Variants in SDHC observed in about 807,000 individuals in gnomAD.
SDHC encodes the protein succinate dehydrogenase cytochrome b560 subunit, mitochondrial.
SDHC carries 11 observed loss-of-function variants against 22.6 expected under a neutral mutation model. That is an observed-to-expected ratio of 0.49 (90% confidence interval 0.31 to 0.81). The LOEUF (loss-of-function observed/expected upper bound fraction) is 0.81, where lower values mean the gene tolerates loss of function less well. SDHC is among the 30% of genes least tolerant of loss of function. The pLI is 0.05. For synonymous variants in SDHC, 80 were observed against 77.8 expected, an observed-to-expected ratio of 1.03 and a Z score of -0.15; for missense variants, 160 against 212.0, an observed-to-expected ratio of 0.75 and a Z score of 1.52.
intron 1 of SDHC, chr1:161,314,692 C>G: frequency 1.8e-6 from 1 of 553,896 alleles, no homozygotes; most frequent in Non-Finnish European, 3.2e-6. Context: ...TCCTCTAGTA[C>G]TTCTAACGCA....
At chr1:161,360,729 T>G (rs1323160545) in intron 5 of SDHC, among the ~76,000 whole-genome samples, 1 of 151,502 alleles carries the variant, frequency 6.6e-6, no homozygotes, top group East Asian at 1.9e-4. Context: ...TTTTTTAGTA[T>G]TAAAAAGAAA....
chr1:161,331,354 G>A (rs1000859746), intron 3 of SDHC, among the ~76,000 whole-genome samples: 5 of 151,330 alleles, frequency 3.3e-5, no homozygotes, highest in Non-Finnish European at 5.9e-5. Flanking sequence ...TGCAACCTCC[G>A]CCTCCCAGGC....
intron 3 of SDHC, among the ~76,000 whole-genome samples, chr1:161,330,569 T>A (rs1447832094): frequency 6.6e-6 from 1 of 152,254 alleles, no homozygotes; most frequent in Non-Finnish European, 1.5e-5. Context: ...AGGTGACACA[T>A]GCTTTTGCAG....
rs984617033 is a variant in SDHC, at chr1:161,363,191, T to G, written c.*758T>G. ...ACTGAATTAAATACTCATTTTATCT[T>G]TGACTCTCCTTGAAATCTAGAGAAA... On this transcript the variant is annotated 3_prime_UTR_variant, in exon 6 of 6. Transcript: ENST00000367975. 1 of 233,614 alleles carries G rather than the reference T, an allele frequency of 4.3e-6. No homozygotes were observed. Among genetic ancestry groups the G allele is most frequent in the African/African-American group, 2.2e-5 (1 of 45,354 alleles). 14.5% of individuals were successfully genotyped at this position (233,614 alleles called of 1,614,324 possible). A position where few individuals can be genotyped will look rare whatever the true frequency, so the allele number is the denominator to read the frequency against.
At chr1:161,359,595 G>A (rs1486433301) in intron 5 of SDHC, among the ~76,000 whole-genome samples, 1 of 152,172 alleles carries the variant, frequency 6.6e-6, no homozygotes, top group African/African-American at 2.4e-5. Flanking sequence ...GAGAGGGGAG[G>A]TTTTATAAAA....
chr1:161,330,144 T>C (rs1023803633), intron 3 of SDHC, among the ~76,000 whole-genome samples: 2 of 152,238 alleles, frequency 1.3e-5, no homozygotes, highest in African/African-American at 4.8e-5. Flanking sequence ...TCAAAGTTTA[T>C]GTCTGTCCCA....
At chr1:161,320,845 T>TTTTTTTG (rs1553261439) in intron 1 of SDHC, among the ~76,000 whole-genome samples, 1 of 150,912 alleles carries the variant, frequency 6.6e-6, no homozygotes, top group Non-Finnish European at 1.5e-5. Flanking sequence ...TTTTTTTTTT[T>TTTTTTTG]GAGATGGAGT....
chr1:161,316,524 T>C (rs1670623247), intron 1 of SDHC, among the ~76,000 whole-genome samples: 1 of 152,166 alleles, frequency 6.6e-6, no homozygotes. Context: ...GGAGGTAGGG[T>C]TACAGATTAA....
In SDHC at chr1:161,356,957, G is replaced by A. The variant is rs372577082; in HGVS notation, c.405+117G>A. The A allele has an allele frequency of 1.9e-5, 20 of 1,079,930 alleles. No individual in the cohort carries two copies. The African/African-American group carries it at 3.0e-4, about 16-fold the overall frequency. 66.9% of individuals were successfully genotyped at this position (1,079,930 alleles called of 1,614,324 possible). A position where few individuals can be genotyped will look rare whatever the true frequency, so the allele number is the denominator to read the frequency against. Reference sequence around the variant, plus strand: ...CTTTTTTTTTTTTCCCAAGAGTGGAGTCTCGCTCTATTGCCCAGGCTGGAG... The same window carrying A: ...CTTTTTTTTTTTTCCCAAGAGTGGAATCTCGCTCTATTGCCCAGGCTGGAG... On this transcript the variant is annotated intron_variant, in intron 5 of 5. Transcript: ENST00000367975.
intron 2 of SDHC, chr1:161,326,577 A>T (rs1571848450): frequency 1.7e-5 from 2 of 118,130 alleles, no homozygotes; most frequent in African/African-American, 3.4e-5. Flanking sequence ...ATATATATAT[A>T]TATTAGGTCT....
In SDHC at chr1:161,345,428, A is replaced by G. The variant is rs56241622; in HGVS notation, c.241+4773A>G. 8.1e-3 allele frequency among the ~76,000 whole-genome samples: 1,232 copies of G among 152,096 alleles called. 10 individuals carry two copies. The highest frequency in any genetic ancestry group is 0.013 in the Admixed American group (200 of 15,250). On this transcript the variant is annotated intron_variant, in intron 4 of 5. Coordinates refer to ENST00000367975, the MANE Select transcript of SDHC (RefSeq NM_003001.5). The stretch of plus-strand genomic sequence containing the variant: ...TTATTGTGCTGTGTTGTTTCTTTCA[A>G]AGCTTTTATTACACAAGTTGTAATT...
At chr1:161,339,334 C>T (rs1671618496) in intron 3 of SDHC, among the ~76,000 whole-genome samples, 1 of 149,884 alleles carries the variant, frequency 6.7e-6, no homozygotes, top group Non-Finnish European at 1.5e-5. Context: ...AGGCCTCTGC[C>T]ACCACACCCA....
chr1:161,343,360 A>G (rs1671785251), intron 4 of SDHC, among the ~76,000 whole-genome samples: 1 of 152,086 alleles, frequency 6.6e-6, no homozygotes, highest in Non-Finnish European at 1.5e-5. Flanking sequence ...AATCTCATAT[A>G]TGTGTGTGTG....
At chr1:161,317,650 C>T (rs1258827867) in intron 1 of SDHC, among the ~76,000 whole-genome samples, 1 of 148,054 alleles carries the variant, frequency 6.8e-6, no homozygotes, top group Non-Finnish European at 1.5e-5. Context: ...TAACCTCTGC[C>T]TCCTGGGTTC....
rs786202080 is a variant in SDHC, at chr1:161,328,483, C to T, written c.165C>T (p.His55=). Reference sequence around the variant, plus strand: ...GTTCAAACCGTCCTCTGTCTCCCCACATTACTATCTACAGGTAAGGAAGGA... The same window carrying T: ...GTTCAAACCGTCCTCTGTCTCCCCATATTACTATCTACAGGTAAGGAAGGA... ...NIGSNRPLSP[H]ITIYSWSLPM... The change falls in exon 3 of 6, where the codon CAC becomes CAT. Residue 55 remains histidine, a synonymous_variant. Transcript: ENST00000367975. 6.2e-7 allele frequency: 1 copy of T among 1,605,630 alleles called. No individual in the cohort carries two copies. Among genetic ancestry groups the T allele is most frequent in the Middle Eastern group, 1.7e-4 (1 of 6,042 alleles).
chr1:161,349,694 A>G (rs539550856), intron 4 of SDHC, among the ~76,000 whole-genome samples: 1 of 152,288 alleles, frequency 6.6e-6, no homozygotes, highest in South Asian at 2.1e-4. Context: ...TGATTCTTAA[A>G]TATCATCTGT....
intron 4 of SDHC, among the ~76,000 whole-genome samples, chr1:161,352,723 C>T (rs939492833): frequency 3.3e-5 from 5 of 152,040 alleles, no homozygotes; most frequent in African/African-American, 7.2e-5. Flanking sequence ...CTGAAGTGGC[C>T]GAGGTGGGTG....
intron 2 of SDHC, among the ~76,000 whole-genome samples, chr1:161,325,380 AT>A (rs899946227): frequency 1.3e-5 from 2 of 151,348 alleles, no homozygotes; most frequent in African/African-American, 4.9e-5. Flanking sequence ...AGAAACAGCT[AT>A]CCTCAACAAT....
intron 5 of SDHC, among the ~76,000 whole-genome samples, chr1:161,360,638 T>C (rs1672472178): frequency 6.6e-6 from 1 of 151,632 alleles, no homozygotes. Flanking sequence ...CTCAGCACTT[T>C]GGGAGGCTGA....
Sources: gnomAD v4.1 joint callset for allele counts (sites outside exome capture counted in the v4.1 genomes callset) on GRCh38, gnomAD v4.1.1 for gene constraint, MANE v1.5 for transcripts, NCBI Gene and HGNC (gene_info 2026-07-23, HGNC 2026-07-21) for gene names.